The following BAG4 variants were observed in gnomAD, a reference collection of about 807,000 sequenced individuals.
BAG4 encodes BAG family molecular chaperone regulator 4.
Under a neutral mutation model 52.1 loss-of-function variants are expected in BAG4, and 28 were observed. The ratio of observed to expected loss-of-function variants is 0.54; its 90% CI spans 0.40 to 0.74. The LOEUF (loss-of-function observed/expected upper bound fraction) is 0.74. BAG4 is among the 30% of genes least tolerant of loss of function. The probability of loss-of-function intolerance (pLI) is 0.00; values close to 1 mark genes in which losing one functional copy is unlikely to be tolerated. For missense variants in BAG4, 525 were observed against 572.0 expected, an observed-to-expected ratio of 0.92 and a Z score of 0.84; for synonymous variants, 208 against 217.0, an observed-to-expected ratio of 0.96 and a Z score of 0.37.
chr8:38,187,802 C>A (rs1301964948), intron 1 of BAG4, among the ~76,000 whole-genome samples: 2 of 145,308 alleles, frequency 1.4e-5, no homozygotes, highest in South Asian at 2.2e-4. Context: ...GTGGGCAGAT[C>A]ACAAGGTCAG....
rs1164701743 is a variant in BAG4, at chr8:38,213,169, CT to C, written c.*2679del. The C allele has an allele frequency of 1.3e-5, 2 of 152,066 alleles. No individual in the cohort carries two copies. The highest frequency in any genetic ancestry group is 2.9e-5 in the Non-Finnish European group (2 of 67,966). The allele number at this position is 152,066 out of a possible 1,614,324, so 9.4% of individuals were successfully genotyped here. A position where few individuals can be genotyped will look rare whatever the true frequency, so the allele number is the denominator to read the frequency against. On this transcript the variant is annotated 3_prime_UTR_variant, in exon 5 of 5. Coordinates refer to ENST00000287322, the MANE Select transcript of BAG4 (RefSeq NM_004874.4). ...GGTTCAACTTTTGACTTAATACTGA[CT>C]TTGGACTGAATTCAAAGTTTTCTTG...
intron 1 of BAG4, among the ~76,000 whole-genome samples, chr8:38,182,226 A>G (rs1803285873): frequency 6.6e-6 from 1 of 152,224 alleles, no homozygotes; most frequent in Non-Finnish European, 1.5e-5. Flanking sequence ...TTTGTTAGTG[A>G]TTATGAACCA....
intron 1 of BAG4, among the ~76,000 whole-genome samples, chr8:38,179,541 G>A (rs887327121): frequency 2.0e-5 from 3 of 151,536 alleles, no homozygotes; most frequent in Non-Finnish European, 2.9e-5. Flanking sequence ...CAAGGAAGGC[G>A]GATCACCTGA....
chr8:38,181,886 CAAAAAAAAAA>C (rs34268146), intron 1 of BAG4, among the ~76,000 whole-genome samples: 48 of 37,264 alleles, frequency 1.3e-3, no homozygotes, highest in Admixed American at 4.9e-3. Context: ...GAGACTATCT[CAAAAAAAAAA>C]AAAAAAAAAA....
intron 1 of BAG4, among the ~76,000 whole-genome samples, chr8:38,188,172 A>G (rs1382414573): frequency 6.6e-6 from 1 of 152,126 alleles, no homozygotes; most frequent in Non-Finnish European, 1.5e-5. Context: ...AAAAGAAAGC[A>G]GTAAAGGTGG....
chr8:38,179,793 C>G (rs754894252), intron 1 of BAG4, among the ~76,000 whole-genome samples: 1 of 151,826 alleles, frequency 6.6e-6, no homozygotes, highest in Non-Finnish European at 1.5e-5. Flanking sequence ...AAAGAAAGAT[C>G]CATATTTTCT....
chr8:38,211,388 C>CA lies in BAG4; in HGVS notation c.*898dup, dbSNP rs1803868160. 1 of 147,958 alleles carries CA rather than the reference C, an allele frequency of 6.8e-6. No homozygotes were observed. The highest frequency in any genetic ancestry group is 1.5e-5 in the Non-Finnish European group (1 of 67,064). 9.2% of individuals were successfully genotyped at this position (147,958 alleles called of 1,614,324 possible). ...TTTTCCTGTTTTTTTTTTTTTTCCCCAAAGTGTAGTTATGTTTTCACTATT... is the reference window on the plus strand; with the variant it reads ...TTTTCCTGTTTTTTTTTTTTTTCCCCAAAAGTGTAGTTATGTTTTCACTATT... On this transcript the variant is annotated 3_prime_UTR_variant, in exon 5 of 5. Transcript: ENST00000287322.
At position 38,190,957 on chromosome 8, in the gene BAG4, C is replaced by T. The variant is rs569121183; in HGVS notation, c.271-1731C>T. On this transcript the variant is annotated intron_variant, in intron 1 of 4. Coordinates refer to ENST00000287322, the MANE Select transcript of BAG4 (RefSeq NM_004874.4). ...ATTTTTAGTAGAGACGGGGTTTCAC[C>T]GTGTTGGCCAGGCTGGTCTCGAACT... Among the ~76,000 whole-genome samples, 36 of 151,792 alleles carry T rather than the reference C, an allele frequency of 2.4e-4. No homozygotes were observed. In the East Asian group the frequency reaches 5.4e-3, roughly 23 times the overall value.
chr8:38,197,691 CTTTAT>C (rs112906742), intron 2 of BAG4, among the ~76,000 whole-genome samples: 4 of 152,140 alleles, frequency 2.6e-5, no homozygotes, highest in African/African-American at 4.8e-5. Flanking sequence ...ACTTTATAAA[CTTTAT>C]TTTATTTTAA....
At chr8:38,205,575 T>C (rs1260070496) in intron 2 of BAG4, among the ~76,000 whole-genome samples, 1 of 152,220 alleles carries the variant, frequency 6.6e-6, no homozygotes, top group Non-Finnish European at 1.5e-5. Flanking sequence ...CATAATGTTT[T>C]ATTAAGTCTC....
Position 38,207,691 on chromosome 8 carries a change from G to T in BAG4, c.558G>T (p.Trp186Cys), listed in dbSNP as rs372261481. The T allele has an allele frequency of 1.2e-6, 2 of 1,614,036 alleles. No homozygotes were observed. The highest frequency in any genetic ancestry group is 1.7e-6 in the Non-Finnish European group (2 of 1,180,004). Residue 186 changes from tryptophan to cysteine, a missense_variant, in exon 3 of 5, where the codon TGG (tryptophan) becomes TGT (cysteine). Trp to Cys is a radical substitution (Grantham distance 215). Around this residue, in one of 2 missense-constraint regions of BAG4, gnomAD observed 287 missense variants for 266.1 expected, o/e 1.08. Coordinates refer to ENST00000287322, the MANE Select transcript of BAG4 (RefSeq NM_004874.4). Reference protein sequence around the residue: ...SGNSPTPVSRWIYPQQDCQTE... With the variant: ...SGNSPTPVSRCIYPQQDCQTE... ...ACAGCCCAACTCCAGTCTCTCGTTG[G>T]ATCTATCCCCAGCAGGACTGTCAGA...
chr8:38,190,426 G>T (rs1803455428), intron 1 of BAG4, among the ~76,000 whole-genome samples: 1 of 151,924 alleles, frequency 6.6e-6, no homozygotes, highest in African/African-American at 2.4e-5. Flanking sequence ...AAGTCAGTAG[G>T]TTTTTTCTTT....
At chr8:38,206,330 C>T (rs2130690158) in intron 2 of BAG4, among the ~76,000 whole-genome samples, 1 of 150,424 alleles carries the variant, frequency 6.6e-6, no homozygotes, top group South Asian at 2.1e-4. Flanking sequence ...GCTGGGATTA[C>T]AGGCATGAGC....
chr8:38,207,465 C>G (rs1803789545), intron 2 of BAG4, 47 bp from the exon 3 acceptor site: 1 of 1,581,454 alleles, frequency 6.3e-7, no homozygotes, highest in Non-Finnish European at 8.6e-7. Context: ...GGCATTTCAG[C>G]TCTTCTACTA....
intron 2 of BAG4, among the ~76,000 whole-genome samples, chr8:38,205,403 T>A (rs1475213444): frequency 6.6e-6 from 1 of 152,088 alleles, no homozygotes; most frequent in African/African-American, 2.4e-5. Flanking sequence ...GAATAGTCTT[T>A]AATCTACTTA....
chr8:38,189,634 C>T (rs1424703845), intron 1 of BAG4, among the ~76,000 whole-genome samples: 2 of 152,156 alleles, frequency 1.3e-5, no homozygotes, highest in Non-Finnish European at 2.9e-5. Context: ...TGTGTCTTCT[C>T]ATCCTGGGAC....
Position 38,209,179 on chromosome 8 carries a change from G to A in BAG4, c.800G>A (p.Gly267Asp), listed in dbSNP as rs766943424. ...TCATCAGCGCCCTCAGCACCACCCG[G>A]CAATCTCTACATGACTGAAAGTACT... ...WPSSAPSAPP[G>D]NLYMTESTSP... The change falls in exon 4 of 5, where the codon GGC (glycine) becomes GAC (aspartate). Residue 267 changes from glycine (G) to aspartate (D), a missense_variant. Transcript: ENST00000287322. The A allele has an allele frequency of 1.9e-5, 30 of 1,613,956 alleles. No homozygotes were observed. The highest frequency in any genetic ancestry group is 2.4e-5 in the Non-Finnish European group (28 of 1,180,028).
intron 2 of BAG4, among the ~76,000 whole-genome samples, chr8:38,205,336 A>C (rs1259434628): frequency 6.9e-6 from 1 of 145,398 alleles, no homozygotes; most frequent in South Asian, 2.2e-4. Context: ...TACAGGCATG[A>C]GTCTGTGCGC....
intron 2 of BAG4, among the ~76,000 whole-genome samples, chr8:38,206,774 A>T (rs1213162242): frequency 6.6e-6 from 1 of 151,734 alleles, no homozygotes; most frequent in Non-Finnish European, 1.5e-5. Context: ...TTTTTAAATA[A>T]TTTTTTTGTT....
Sources: gnomAD v4.1 joint callset for allele counts (sites outside exome capture counted in the v4.1 genomes callset) on GRCh38, gnomAD v4.1.1 for gene constraint, gnomAD v4.1.1 regional missense constraint, MANE v1.5 for transcripts, NCBI Gene and HGNC (gene_info 2026-07-23, HGNC 2026-07-21) for gene names.